The following CHN1 variants were observed in gnomAD, a reference collection of about 807,000 sequenced individuals.
The protein encoded by CHN1 is chimerin 1, also known as N-chimaerin.
In CHN1, 37 loss-of-function variants were observed where a neutral mutation model predicts 59.5. The ratio of observed to expected loss-of-function variants is 0.62; its 90% confidence interval spans 0.48 to 0.82. The LOEUF (loss-of-function observed/expected upper bound fraction) is 0.82, where lower values mean the gene tolerates loss of function less well. Among genes scored for constraint, CHN1 ranks in the 40% least tolerant of loss-of-function variants. The pLI, the probability that CHN1 is intolerant of heterozygous loss-of-function variation, is 0.00. For synonymous variants in CHN1, 206 were observed against 200.4 expected, an observed-to-expected ratio of 1.03 and a Z score of -0.24; for missense variants, 469 against 571.0, an observed-to-expected ratio of 0.82 and a Z score of 1.82.
At chr2:174,965,169 GATTA>G (rs888382907) in intron 1 of CHN1, among the ~76,000 whole-genome samples, 18 of 151,804 alleles carry the variant, frequency 1.2e-4, no homozygotes, top group African/African-American at 3.9e-4. Flanking sequence ...TGATTTTTTG[GATTA>G]ATTTATAACA....
At chr2:174,990,258 TGTGTGAGAGAGA>T (rs1460110633) in intron 1 of CHN1, among the ~76,000 whole-genome samples, 54 of 94,734 alleles carry the variant, frequency 5.7e-4, no homozygotes, top group African/African-American at 1.6e-3. Context: ...TGTGTGTGTG[TGTGTGAGAGAGA>T]GAGAGAGAGA....
At chr2:174,887,929 T>C (rs1046167385) in intron 5 of CHN1, among the ~76,000 whole-genome samples, 2 of 152,218 alleles carry the variant, frequency 1.3e-5, no homozygotes, top group Admixed American at 6.5e-5. Context: ...GAAACCAAGA[T>C]GTACAAGACT....
chr2:174,920,445 C>T (rs1459234722), intron 3 of CHN1, among the ~76,000 whole-genome samples: 1 of 152,092 alleles, frequency 6.6e-6, no homozygotes, highest in Non-Finnish European at 1.5e-5. Flanking sequence ...GGGCTCAAGG[C>T]ACAATTAGGA....
chr2:174,982,355 T>G (rs1691182425), intron 1 of CHN1, among the ~76,000 whole-genome samples: 1 of 152,188 alleles, frequency 6.6e-6, no homozygotes, highest in Non-Finnish European at 1.5e-5. Flanking sequence ...TAGTTCTAGA[T>G]CCCTGAGGAA....
chr2:174,988,356 CAAAAA>C (rs368043665), intron 1 of CHN1, among the ~76,000 whole-genome samples: 1 of 61,412 alleles, frequency 1.6e-5, no homozygotes, highest in Non-Finnish European at 3.5e-5. Flanking sequence ...AACTCCGTCT[CAAAAA>C]AAAAAAAAAA....
At position 174,931,992 on chromosome 2, in the gene CHN1, T is replaced by C. The variant is rs138893322; in HGVS notation, c.114+12896A>G. ...GGACCTTATAAGGCACTGTGAAGGTTTGGCTTTTACTCTGAGTGACAGGGA... is the reference window on the plus strand; with the variant it reads ...GGACCTTATAAGGCACTGTGAAGGTCTGGCTTTTACTCTGAGTGACAGGGA... On this transcript the variant is annotated intron_variant, in intron 3 of 12. Transcript: ENST00000409900. Among the ~76,000 whole-genome samples the C allele has an allele frequency of 4.6e-5, 7 of 152,130 alleles. 1 individual carries two copies. The South Asian group carries it at 1.0e-3, about 23-fold the overall frequency.
rs148892520 is a variant in CHN1, at chr2:174,901,574, T to C, written c.260+13484A>G. ...ATTCATTAAAGTCTAATCCTCTCTCTACCTAATAAACTGTTAAGCTCCATA... is the reference window on the plus strand; with the variant it reads ...ATTCATTAAAGTCTAATCCTCTCTCCACCTAATAAACTGTTAAGCTCCATA... On this transcript the variant is annotated intron_variant, in intron 5 of 12. Transcript: ENST00000409900. Among the ~76,000 whole-genome samples, 306 of 152,332 alleles carry C rather than the reference T, an allele frequency of 2.0e-3. 1 individual carries two copies. Among genetic ancestry groups the C allele is most frequent in the African/African-American group, 7.1e-3 (295 of 41,578 alleles).
intron 1 of CHN1, among the ~76,000 whole-genome samples, chr2:174,980,564 G>C (rs142367066): frequency 5.9e-5 from 9 of 152,112 alleles, no homozygotes; most frequent in Non-Finnish European, 2.9e-5. Flanking sequence ...ATTCCTAATT[G>C]AAGAATTAAG....
chr2:174,928,727 T>C (rs1177970384), intron 3 of CHN1, among the ~76,000 whole-genome samples: 3 of 152,226 alleles, frequency 2.0e-5, no homozygotes, highest in Non-Finnish European at 4.4e-5. Context: ...AAGGAAAGGC[T>C]AGAATCAGAT....
At chr2:174,991,919 G>A (rs1470458209) in intron 1 of CHN1, among the ~76,000 whole-genome samples, 6 of 152,132 alleles carry the variant, frequency 3.9e-5, no homozygotes, top group Non-Finnish European at 7.4e-5. Context: ...AAAAAGAAAT[G>A]AATCTTACTT....
At chr2:174,822,355 A>G (rs1685526064) in intron 8 of CHN1, among the ~76,000 whole-genome samples, 1 of 152,168 alleles carries the variant, frequency 6.6e-6, no homozygotes, top group Non-Finnish European at 1.5e-5. Flanking sequence ...CCTTTCCCCC[A>G]TATTATTGAC....
chr2:174,814,836 G>T (rs1158852997), intron 8 of CHN1, among the ~76,000 whole-genome samples: 2 of 152,058 alleles, frequency 1.3e-5, no homozygotes, highest in Non-Finnish European at 2.9e-5. Flanking sequence ...GGATAACTGG[G>T]GATACAGATG....
intron 9 of CHN1, 108 bp from the exon 10 acceptor site, chr2:174,811,696 T>C (rs1685079766): frequency 1.6e-6 from 1 of 629,856 alleles, no homozygotes; most frequent in African/African-American, 1.9e-5. Context: ...AAAATATACA[T>C]GTTTAGAAAT....
chr2:174,817,576 C>T (rs1282287782), intron 8 of CHN1, among the ~76,000 whole-genome samples: 1 of 151,346 alleles, frequency 6.6e-6, no homozygotes, highest in Non-Finnish European at 1.5e-5. Context: ...AATTCTCATG[C>T]CTCAGCCTCC....
intron 1 of CHN1, among the ~76,000 whole-genome samples, chr2:174,986,903 A>C (rs889254821): frequency 2.6e-5 from 4 of 151,624 alleles, no homozygotes; most frequent in African/African-American, 9.7e-5. Flanking sequence ...CGCCCAGCTA[A>C]TTTTTTGTAT....
intron 1 of CHN1, among the ~76,000 whole-genome samples, chr2:174,959,087 A>G (rs1690314162): frequency 6.6e-6 from 1 of 152,214 alleles, no homozygotes; most frequent in Non-Finnish European, 1.5e-5. Flanking sequence ...AAACAATTCT[A>G]ATTAATGACA....
At chr2:174,834,624 A>G (rs1686006938) in intron 7 of CHN1, among the ~76,000 whole-genome samples, 1 of 152,130 alleles carries the variant, frequency 6.6e-6, no homozygotes. Flanking sequence ...TTTTGCTGCC[A>G]TTCTTTATTC....
At chr2:174,931,986 G>A (rs957834351) in intron 3 of CHN1, among the ~76,000 whole-genome samples, 2 of 152,176 alleles carry the variant, frequency 1.3e-5, no homozygotes, top group Non-Finnish European at 2.9e-5. Flanking sequence ...AAGGCACTGT[G>A]AAGGTTTGGC....
intron 1 of CHN1, among the ~76,000 whole-genome samples, chr2:174,975,235 G>C (rs1574232495): frequency 6.6e-6 from 1 of 152,060 alleles, no homozygotes; most frequent in Non-Finnish European, 1.5e-5. Context: ...GACATCTACT[G>C]GGGGGAAATG....
Sources: allele counts gnomAD v4.1 joint callset (sites outside exome capture counted in the v4.1 genomes callset), GRCh38; gene constraint gnomAD v4.1.1; transcripts MANE v1.5; gene names NCBI Gene and HGNC (gene_info 2026-07-23, HGNC 2026-07-21).